EFNA5: variants seen among roughly 807,000 people sequenced by gnomAD.
EFNA5 encodes ephrin-A5.
A neutral mutation model predicts 22.9 loss-of-function variants in EFNA5; 5 were observed. That is an observed-to-expected ratio of 0.22 (90% CI 0.11 to 0.46). The LOEUF (loss-of-function observed/expected upper bound fraction) is 0.46, where lower values mean the gene tolerates loss of function less well. Ranked by LOEUF, EFNA5 falls within the 20% of genes least tolerant of loss-of-function variation. EFNA5 has a pLI of 0.99. For missense variants in EFNA5, 237 were observed against 293.3 expected (o/e 0.81, Z 1.40); for synonymous variants, 113 against 112.2 (o/e 1.01, Z -0.04).
At chr5:107,391,267 T>C (rs1280833806) in intron 2 of EFNA5, among the ~76,000 whole-genome samples, 1 of 152,184 alleles carries the variant, frequency 6.6e-6, no homozygotes, top group African/African-American at 2.4e-5. Context: ...TGTGTTGTGG[T>C]TCTTCAAGCT....
chr5:107,592,625 C>A (rs1239147516), intron 1 of EFNA5, among the ~76,000 whole-genome samples: 2 of 152,114 alleles, frequency 1.3e-5, no homozygotes, highest in Non-Finnish European at 2.9e-5. Flanking sequence ...TAGGGGAGCA[C>A]CAGGCCGCAG....
rs866755433 is a variant in EFNA5 at position 107,592,027 on chromosome 5, A to T, written c.125+78462T>A. On this transcript the variant is annotated intron_variant, in intron 1 of 4. Coordinates refer to ENST00000333274, the MANE Select transcript of EFNA5 (RefSeq NM_001962.3). Reference sequence around the variant, plus strand: ...ATATAATATATATAATATAATATATATTATATATTATATATATTATACATT... The same window carrying T: ...ATATAATATATATAATATAATATATTTTATATATTATATATATTATACATT... 2.8e-3 allele frequency among the ~76,000 whole-genome samples: 125 copies of T among 45,096 alleles called. 15 individuals are homozygous for T. The highest frequency in any genetic ancestry group is 0.015 in the Middle Eastern group (1 of 68). The allele number at this position is 45,096 out of a possible 152,430, so 29.6% of individuals were successfully genotyped here.
At position 107,591,826 on chromosome 5, in the gene EFNA5, A is replaced by AATAT. The variant is rs753706753; in HGVS notation, c.125+78659_125+78662dup. 3.7e-4 allele frequency among the ~76,000 whole-genome samples: 36 copies of AATAT among 96,580 alleles called. 1 individual carries two copies. The highest frequency in any genetic ancestry group is 5.9e-4 in the Non-Finnish European group (29 of 49,102). 63.4% of individuals were successfully genotyped at this position (96,580 alleles called of 152,430 possible). A position where few individuals can be genotyped will look rare whatever the true frequency, so the allele number is the denominator to read the frequency against. On this transcript the variant is annotated intron_variant, in intron 1 of 4. Coordinates refer to ENST00000333274, the MANE Select transcript of EFNA5 (RefSeq NM_001962.3). ...GCAAAGGGAGACTCCGTCTCAAAAA[A>AATAT]ATATATATATATATATAAAATATAT...
intron 2 of EFNA5, among the ~76,000 whole-genome samples, chr5:107,391,502 A>G (rs1747793794): frequency 6.6e-6 from 1 of 152,200 alleles, no homozygotes; most frequent in Non-Finnish European, 1.5e-5. Flanking sequence ...AAAAAGAGGC[A>G]GTGACTTGCA....
At chr5:107,577,138 C>G (rs543796710) in intron 1 of EFNA5, among the ~76,000 whole-genome samples, 13 of 152,270 alleles carry the variant, frequency 8.5e-5, no homozygotes, top group African/African-American at 3.1e-4. Flanking sequence ...ATACCTTTCA[C>G]CTGCAAAATG....
At chr5:107,540,373 A>G (rs1748019147) in intron 1 of EFNA5, among the ~76,000 whole-genome samples, 1 of 152,224 alleles carries the variant, frequency 6.6e-6, no homozygotes. Flanking sequence ...TATAAAAAGA[A>G]TCCCATTTAT....
intron 1 of EFNA5, among the ~76,000 whole-genome samples, chr5:107,466,504 G>A (rs1749987285): frequency 6.6e-6 from 1 of 152,116 alleles, no homozygotes; most frequent in Non-Finnish European, 1.5e-5. Flanking sequence ...GGAGAACAAG[G>A]CTGATGTCAC....
chr5:107,384,491 T>C (rs1426675510), intron 4 of EFNA5, among the ~76,000 whole-genome samples: 1 of 152,168 alleles, frequency 6.6e-6, no homozygotes, highest in African/African-American at 2.4e-5. Context: ...GATCATGCAG[T>C]GGAATCCTTT....
At chr5:107,568,475 A>G (rs374956511) in intron 1 of EFNA5, among the ~76,000 whole-genome samples, 2 of 152,210 alleles carry the variant, frequency 1.3e-5, no homozygotes, top group East Asian at 1.9e-4. Flanking sequence ...AAATCAGGCC[A>G]GCAGCAGCAC....
chr5:107,403,429 T>C (rs867966763), intron 2 of EFNA5, among the ~76,000 whole-genome samples: 7 of 152,196 alleles, frequency 4.6e-5, no homozygotes, highest in South Asian at 2.1e-4. Context: ...CTATGAGAGA[T>C]TGAAAGAATT....
At chr5:107,461,557 C>G (rs1339982004) in intron 1 of EFNA5, among the ~76,000 whole-genome samples, 2 of 151,960 alleles carry the variant, frequency 1.3e-5, no homozygotes, top group Non-Finnish European at 2.9e-5. Context: ...AGACTGTGAT[C>G]TAAGCAAGAG....
chr5:107,494,912 T>C (rs181860521), intron 1 of EFNA5, among the ~76,000 whole-genome samples: 167 of 152,216 alleles, frequency 1.1e-3, no homozygotes, highest in Middle Eastern at 6.8e-3. Flanking sequence ...GGTGGGGCCT[T>C]GGAGAACCTT....
chr5:107,628,293 T>G (rs552619527), intron 1 of EFNA5, among the ~76,000 whole-genome samples: 1 of 152,344 alleles, frequency 6.6e-6, no homozygotes, highest in African/African-American at 2.4e-5. Flanking sequence ...TCAAATGCTC[T>G]ATATTACCAG....
intron 1 of EFNA5, among the ~76,000 whole-genome samples, chr5:107,431,189 A>G (rs1461228208): frequency 6.6e-6 from 1 of 152,222 alleles, no homozygotes; most frequent in East Asian, 1.9e-4. Context: ...TTAGTAATGT[A>G]CATTTCAAAG....
chr5:107,431,053 C>T (rs551814481), intron 1 of EFNA5, among the ~76,000 whole-genome samples: 54 of 152,250 alleles, frequency 3.5e-4, no homozygotes, highest in African/African-American at 1.3e-3. Flanking sequence ...GGATTACAGG[C>T]GTGAGCCACC....
chr5:107,504,241 T>A (rs1438652579), intron 1 of EFNA5, among the ~76,000 whole-genome samples: 1 of 152,190 alleles, frequency 6.6e-6, no homozygotes, highest in East Asian at 1.9e-4. Context: ...AAGGTTTGAA[T>A]TACAGACTGA....
At chr5:107,657,294 T>C (rs1293948167) in intron 1 of EFNA5, among the ~76,000 whole-genome samples, 2 of 152,170 alleles carry the variant, frequency 1.3e-5, no homozygotes, top group Admixed American at 1.3e-4. Flanking sequence ...TTTAACAATC[T>C]TTGAAGCATA....
At chr5:107,429,506 A>G (rs1353609142) in intron 1 of EFNA5, among the ~76,000 whole-genome samples, 1 of 152,190 alleles carries the variant, frequency 6.6e-6, no homozygotes, top group African/African-American at 2.4e-5. Context: ...TTCATTGACA[A>G]GCCAAGATAC....
chr5:107,390,231 T>A (rs1487497595), intron 2 of EFNA5, among the ~76,000 whole-genome samples: 1 of 152,232 alleles, frequency 6.6e-6, no homozygotes, highest in African/African-American at 2.4e-5. Context: ...ATTTTTTAAA[T>A]GTAACGTTTA....
Sources: allele counts gnomAD v4.1 joint callset (sites outside exome capture counted in the v4.1 genomes callset), GRCh38; gene constraint gnomAD v4.1.1; transcripts MANE v1.5; gene names NCBI Gene and HGNC (gene_info 2026-07-23, HGNC 2026-07-21).